The following RBFOX3 variants were observed in gnomAD, a reference collection of about 807,000 sequenced individuals.
RBFOX3 encodes RNA binding fox-1 homolog 3.
RBFOX3 carries 17 observed loss-of-function variants against 48.7 expected under a neutral mutation model. The ratio of observed to expected loss-of-function variants is 0.35; its 90% CI spans 0.24 to 0.52. RBFOX3 has a LOEUF of 0.52. Among genes scored for constraint, RBFOX3 ranks in the 20% least tolerant of loss-of-function variants. The pLI is 0.94. For synonymous variants in RBFOX3, 212 were observed against 209.5 expected (o/e 1.01, Z -0.10); for missense variants, 382 against 497.5 (o/e 0.77, Z 2.21).
chr17:79,272,426 T>A (rs1448879484), intron 3 of RBFOX3, among the ~76,000 whole-genome samples: 1 of 152,222 alleles, frequency 6.6e-6, no homozygotes, highest in Non-Finnish European at 1.5e-5. Flanking sequence ...ATAACGGGAA[T>A]AACCATCAGC....
At chr17:79,455,931 C>T (rs893740792) in intron 2 of RBFOX3, among the ~76,000 whole-genome samples, 2 of 152,182 alleles carry the variant, frequency 1.3e-5, no homozygotes, top group African/African-American at 2.4e-5. Flanking sequence ...CAGGTCCCAC[C>T]GCAAGCCTCA....
At chr17:79,402,947 G>A (rs1429764776) in intron 2 of RBFOX3, among the ~76,000 whole-genome samples, 2 of 152,136 alleles carry the variant, frequency 1.3e-5, no homozygotes, top group South Asian at 2.1e-4. Flanking sequence ...GGACGTGCCC[G>A]GCAAAGAGAA....
At chr17:79,467,505 C>G (rs1022615551) in intron 2 of RBFOX3, among the ~76,000 whole-genome samples, 7 of 152,148 alleles carry the variant, frequency 4.6e-5, no homozygotes, top group African/African-American at 1.7e-4. Context: ...CCTGATGTCC[C>G]GGGGGCATGT....
chr17:79,246,380 C>T (rs72846829), intron 3 of RBFOX3, among the ~76,000 whole-genome samples: 34,364 of 152,192 alleles, frequency 0.23, 4,271 homozygotes, highest in Middle Eastern at 0.4. Context: ...TTTGGGCTTC[C>T]AGATTTCTTG....
At chr17:79,486,502 A>G (rs2079626405) in intron 1 of RBFOX3, among the ~76,000 whole-genome samples, 1 of 152,052 alleles carries the variant, frequency 6.6e-6, no homozygotes, top group Non-Finnish European at 1.5e-5. Flanking sequence ...GAATTCTGAG[A>G]TCCCATCCTG....
At chr17:79,478,492 A>T (rs2149457554) in intron 2 of RBFOX3, among the ~76,000 whole-genome samples, 1 of 152,302 alleles carries the variant, frequency 6.6e-6, no homozygotes, top group East Asian at 1.9e-4. Context: ...AGGGCAGAAG[A>T]CTTTGTTTAT....
At chr17:79,393,869 G>C (rs747506366) in intron 2 of RBFOX3, among the ~76,000 whole-genome samples, 1 of 146,930 alleles carries the variant, frequency 6.8e-6, no homozygotes, top group Non-Finnish European at 1.5e-5. Context: ...CGGTCATCAC[G>C]CACATCATCT....
At chr17:79,206,263 A>G (rs536734896) in intron 4 of RBFOX3, among the ~76,000 whole-genome samples, 113 of 152,290 alleles carry the variant, frequency 7.4e-4, no homozygotes, top group Admixed American at 4.7e-3. Context: ...TGGAGGCAGC[A>G]AATATTCCCC....
rs1002893324 is a variant in RBFOX3, at chr17:79,111,888, C to T, written c.222+3606G>A. 6.6e-6 allele frequency among the ~76,000 whole-genome samples: 1 copy of T among 152,212 alleles called. No homozygotes were observed. Among genetic ancestry groups the T allele is most frequent in the Admixed American group, 6.5e-5 (1 of 15,292 alleles). ...GTGGCTCAAGGTAGTGAGATGGGGTCCCCCGGTCCTTCCGCAGCCCCTCAT... is the reference window on the plus strand; with the variant it reads ...GTGGCTCAAGGTAGTGAGATGGGGTTCCCCGGTCCTTCCGCAGCCCCTCAT... On this transcript the variant is annotated intron_variant, in intron 5 of 14. Transcript: ENST00000693108. The surrounding 1 kb of genome is among the most constrained non-coding windows in gnomAD (Gnocchi z 4.2).
intron 1 of RBFOX3, among the ~76,000 whole-genome samples, chr17:79,552,628 G>GGA (rs1418072376): frequency 1.1e-4 from 17 of 152,130 alleles, no homozygotes; most frequent in African/African-American, 4.1e-4. Context: ...GAATTATAAT[G>GGA]ATTCCATTGT....
At chr17:79,285,695 T>A (rs2071703756) in intron 3 of RBFOX3, among the ~76,000 whole-genome samples, 1 of 114,506 alleles carries the variant, frequency 8.7e-6, no homozygotes, top group South Asian at 3.0e-4. Flanking sequence ...TTTTGTTTTG[T>A]TTTTTTGAGA....
chr17:79,241,736 G>A (rs1330124529), intron 3 of RBFOX3, among the ~76,000 whole-genome samples: 1 of 152,208 alleles, frequency 6.6e-6, no homozygotes, highest in African/African-American at 2.4e-5. Flanking sequence ...TGATTAGGGA[G>A]CAGTGTGGTC....
chr17:79,092,102 G>C (rs76931617), intron 14 of RBFOX3: 55,319 of 985,474 alleles, frequency 0.056, 1,763 homozygotes, highest in Non-Finnish European at 0.063. Flanking sequence ...CCCTCCCTGC[G>C]TCAGGGTGCT....
At chr17:79,381,583 ACACCGGGCCTGGCATC>A (rs1192049433) in intron 2 of RBFOX3, among the ~76,000 whole-genome samples, 1 of 151,980 alleles carries the variant, frequency 6.6e-6, no homozygotes. Context: ...CTCAACCCAC[ACACCGGGCCTGGCATC>A]CAGCTGTGCG....
chr17:79,507,242 G>A (rs1189960435), intron 1 of RBFOX3, among the ~76,000 whole-genome samples: 4 of 152,130 alleles, frequency 2.6e-5, no homozygotes, highest in Admixed American at 6.5e-5. Context: ...AGACACAACC[G>A]CCAGGGCCTC....
intron 1 of RBFOX3, among the ~76,000 whole-genome samples, chr17:79,529,230 G>A (rs1379888358): frequency 6.6e-6 from 1 of 152,190 alleles, no homozygotes; most frequent in South Asian, 2.1e-4. Context: ...GGGGATGGGG[G>A]TGCATTTTCT....
intron 2 of RBFOX3, among the ~76,000 whole-genome samples, chr17:79,321,722 T>TTC (rs1555668620): frequency 6.6e-6 from 1 of 150,702 alleles, no homozygotes; most frequent in African/African-American, 2.4e-5. Flanking sequence ...TTTTTTTTTT[T>TTC]ATAGACGGAG....
At chr17:79,519,022 C>T (rs1454931883) in intron 1 of RBFOX3, among the ~76,000 whole-genome samples, 2 of 152,158 alleles carry the variant, frequency 1.3e-5, no homozygotes, top group East Asian at 1.9e-4. Flanking sequence ...ATGCTGTACC[C>T]GGGAAGCACC....
At chr17:79,488,461 T>C (rs1046578909) in intron 1 of RBFOX3, among the ~76,000 whole-genome samples, 22 of 152,300 alleles carry the variant, frequency 1.4e-4, no homozygotes, top group Middle Eastern at 3.4e-3. Context: ...CTGAGGCTGT[T>C]CGTCTTCTCA....
Sources: gnomAD v4.1 joint callset for allele counts (sites outside exome capture counted in the v4.1 genomes callset) on GRCh38, gnomAD v4.1.1 for gene constraint, Gnocchi (gnomAD v3.1) non-coding constraint, MANE v1.5 for transcripts, NCBI Gene and HGNC (gene_info 2026-07-23, HGNC 2026-07-21) for gene names.